Variants in GPC5 observed in about 807,000 individuals in gnomAD.
GPC5 encodes glypican-5.
A neutral mutation model predicts 53.9 loss-of-function variants in GPC5; 47 were observed. The observed-to-expected ratio is 0.87, with a 90% CI of 0.69 to 1.11. The LOEUF is 1.11. Among genes scored for constraint, GPC5 ranks in the 50% most tolerant of loss-of-function variants. The pLI, the probability that GPC5 is intolerant of heterozygous loss-of-function variation, is 0.00. For synonymous variants in GPC5, 286 were observed against 263.3 expected, an observed-to-expected ratio of 1.09 and a Z score of -0.84; for missense variants, 748 against 713.1, an observed-to-expected ratio of 1.05 and a Z score of -0.56.
At position 92,198,172 on chromosome 13, in the gene GPC5, T is replaced by C. The variant is rs557890478; in HGVS notation, c.1561+53183T>C. Among the ~76,000 whole-genome samples the C allele has an allele frequency of 2.4e-4, 37 of 152,272 alleles. 1 individual carries two copies. Among genetic ancestry groups the C allele is most frequent in the Non-Finnish European group, 5.1e-4 (35 of 68,016 alleles). On this transcript the variant is annotated intron_variant, in intron 7 of 7. Coordinates refer to ENST00000377067, the MANE Select transcript of GPC5 (RefSeq NM_004466.6). ...CTATTATTTTACATCAGAGAAATTA[T>C]CCCAATCTAAAAATGTCTTGTTACA...
intron 5 of GPC5, among the ~76,000 whole-genome samples, chr13:91,762,432 C>T (rs938599875): frequency 6.6e-6 from 1 of 151,600 alleles, no homozygotes; most frequent in African/African-American, 2.4e-5. Flanking sequence ...GTCCTAGTTT[C>T]CAAAAGTTTT....
intron 7 of GPC5, among the ~76,000 whole-genome samples, chr13:92,466,793 T>C (rs1040309438): frequency 3.9e-5 from 6 of 152,050 alleles, no homozygotes; most frequent in Non-Finnish European, 7.4e-5. Context: ...GTTCTTGCTG[T>C]GAGGTATGGG....
intron 7 of GPC5, among the ~76,000 whole-genome samples, chr13:92,605,737 C>A (rs965148835): frequency 1.3e-5 from 2 of 151,992 alleles, no homozygotes; most frequent in Non-Finnish European, 2.9e-5. Context: ...CTACAGGCGC[C>A]CGCCACCGCG....
chr13:92,063,898 A>G (rs900941865), intron 6 of GPC5, among the ~76,000 whole-genome samples: 1 of 152,096 alleles, frequency 6.6e-6, no homozygotes, highest in Admixed American at 6.5e-5. Context: ...ATAATTTTTC[A>G]TTTACCTGAA....
intron 7 of GPC5, among the ~76,000 whole-genome samples, chr13:92,221,382 T>C (rs941436618): frequency 6.6e-6 from 1 of 152,178 alleles, no homozygotes; most frequent in Admixed American, 6.5e-5. Context: ...TAAAGCTGAA[T>C]AAAATAAGCC....
In GPC5 at chr13:92,112,613, T is replaced by C. The variant is rs371597897; in HGVS notation, c.1402-32217T>C. 4.6e-5 allele frequency among the ~76,000 whole-genome samples: 7 copies of C among 152,220 alleles called. No individual in the cohort carries two copies. The East Asian group carries it at 1.4e-3, about 29-fold the overall frequency. On this transcript the variant is annotated intron_variant, in intron 6 of 7. Transcript: ENST00000377067. ...GAAGGCAAATGATAGTGGATTATGATTTAAAAAAGCAGAAGTGGATATTTT... is the reference window on the plus strand; with the variant it reads ...GAAGGCAAATGATAGTGGATTATGACTTAAAAAAGCAGAAGTGGATATTTT...
chr13:91,771,663 T>C (rs1236932517), intron 5 of GPC5, among the ~76,000 whole-genome samples: 1 of 152,152 alleles, frequency 6.6e-6, no homozygotes, highest in Non-Finnish European at 1.5e-5. Context: ...GGAGGAAAAG[T>C]TGATTGATTA....
intron 7 of GPC5, among the ~76,000 whole-genome samples, chr13:92,228,991 A>G (rs2042509706): frequency 6.6e-6 from 1 of 152,186 alleles, no homozygotes; most frequent in South Asian, 2.1e-4. Flanking sequence ...TAAATTTTAA[A>G]ACAAGTTCAA....
At chr13:91,915,217 G>A (rs2039646770) in intron 6 of GPC5, among the ~76,000 whole-genome samples, 1 of 152,190 alleles carries the variant, frequency 6.6e-6, no homozygotes. Context: ...AGGAGAAAGT[G>A]TTGGATGCAC....
chr13:91,976,248 T>A (rs573921222), intron 6 of GPC5, among the ~76,000 whole-genome samples: 10 of 152,290 alleles, frequency 6.6e-5, no homozygotes, highest in African/African-American at 2.4e-4. Context: ...GTTGTGCACA[T>A]GTACCCTAAA....
intron 7 of GPC5, among the ~76,000 whole-genome samples, chr13:92,200,933 A>G (rs1329821082): frequency 6.6e-6 from 1 of 151,708 alleles, no homozygotes; most frequent in Non-Finnish European, 1.5e-5. Flanking sequence ...AATAAATTGG[A>G]GGAGTGTAGG....
At chr13:92,047,030 C>T (rs1285861199) in intron 6 of GPC5, among the ~76,000 whole-genome samples, 1 of 152,002 alleles carries the variant, frequency 6.6e-6, no homozygotes, top group East Asian at 1.9e-4. Flanking sequence ...TTTATTTTTC[C>T]TCCCTAGCAC....
At position 92,822,520 on chromosome 13, in the gene GPC5, A is replaced by C. The variant is rs7326849; in HGVS notation, c.1562-43762A>C. Among the ~76,000 whole-genome samples, 1,013 of 152,266 alleles carry C rather than the reference A, an allele frequency of 6.7e-3. 15 individuals carry two copies. Among genetic ancestry groups the C allele is most frequent in the African/African-American group, 0.023 (962 of 41,560 alleles). On this transcript the variant is annotated intron_variant, in intron 7 of 7. Coordinates refer to ENST00000377067, the MANE Select transcript of GPC5 (RefSeq NM_004466.6). The stretch of plus-strand genomic sequence containing the variant: ...CATTACTGGTAAATGACCAGGATAC[A>C]TGTGGCTAATATGAAGTCCAAGACA...
intron 7 of GPC5, among the ~76,000 whole-genome samples, chr13:92,358,476 G>T (rs2043540556): frequency 6.6e-6 from 1 of 151,670 alleles, no homozygotes; most frequent in East Asian, 1.9e-4. Context: ...GTGCCCCAGT[G>T]GGGACTCGGC....
intron 7 of GPC5, among the ~76,000 whole-genome samples, chr13:92,427,188 G>A (rs1434598121): frequency 6.6e-6 from 1 of 151,474 alleles, no homozygotes; most frequent in Non-Finnish European, 1.5e-5. Flanking sequence ...ATAGCAGGTC[G>A]ATTTCTAAGT....
At chr13:92,498,543 T>C (rs1443971905) in intron 7 of GPC5, among the ~76,000 whole-genome samples, 2 of 152,114 alleles carry the variant, frequency 1.3e-5, no homozygotes, top group Non-Finnish European at 2.9e-5. Context: ...TTTCCCTGGT[T>C]CTGGCTGGGA....
chr13:91,842,233 C>A (rs9560868), intron 5 of GPC5, among the ~76,000 whole-genome samples: 3,807 of 151,530 alleles, frequency 0.025, 241 homozygotes, highest in East Asian at 0.21. Flanking sequence ...TGATTGATGG[C>A]ATAAAAGAAA....
chr13:91,579,091 A>G (rs2032249946), intron 2 of GPC5, among the ~76,000 whole-genome samples: 1 of 152,202 alleles, frequency 6.6e-6, no homozygotes, highest in Non-Finnish European at 1.5e-5. Flanking sequence ...TACTTTGGAA[A>G]AGAAAACAGA....
At chr13:92,450,238 C>G (rs1282639418) in intron 7 of GPC5, among the ~76,000 whole-genome samples, 1 of 152,022 alleles carries the variant, frequency 6.6e-6, no homozygotes, top group East Asian at 1.9e-4. Flanking sequence ...AAGTACAGGT[C>G]GAGTATCCTT....
Sources: gnomAD v4.1 joint callset for allele counts (sites outside exome capture counted in the v4.1 genomes callset) on GRCh38, gnomAD v4.1.1 for gene constraint, MANE v1.5 for transcripts, NCBI Gene and HGNC (gene_info 2026-07-23, HGNC 2026-07-21) for gene names.